FAM241A: variants seen among roughly 807,000 people sequenced by gnomAD.
FAM241A encodes the protein uncharacterized protein FAM241A.
In FAM241A, 7 loss-of-function variants were observed where a neutral mutation model predicts 12.2. That is an observed-to-expected ratio of 0.58 (90% CI 0.33 to 1.08). FAM241A has a LOEUF of 1.08. FAM241A is among the 50% of genes least tolerant of loss of function. The pLI, the probability that FAM241A is intolerant of heterozygous loss-of-function variation, is 0.04. For missense variants in FAM241A, 161 were observed against 169.7 expected (o/e 0.95, Z 0.29); for synonymous variants, 74 against 68.2 (o/e 1.08, Z -0.42).
intron 1 of FAM241A, among the ~76,000 whole-genome samples, chr4:112,179,146 C>T (rs566516825): frequency 2.0e-5 from 3 of 152,258 alleles, no homozygotes; most frequent in Middle Eastern, 3.4e-3. Flanking sequence ...TCCCCTTTGT[C>T]GATTTTGGCT....
Position 112,186,742 on chromosome 4 carries a change from A to T in FAM241A, c.203A>T (p.Tyr68Phe). The T allele has an allele frequency of 1.2e-6, 2 of 1,613,750 alleles. No homozygotes were observed. Among genetic ancestry groups the T allele is most frequent in the Non-Finnish European group, 1.7e-6 (2 of 1,179,904 alleles). ...NHTGEPVGDD[Y>F]KKMGTLFGEL... ...ACTGGTGAGCCGGTTGGAGATGACT[A>T]CAAGAAAATGGGAACACTTTTTGGT... Residue 68 changes from tyrosine to phenylalanine, a missense_variant, in exon 2 of 2, where the codon TAC becomes TTC. By Grantham distance (22) the Tyr-to-Phe change is conservative. Coordinates refer to ENST00000309733, the MANE Select transcript of FAM241A (RefSeq NM_152400.3).
chr4:112,159,360 A>G (rs906779217), intron 1 of FAM241A, among the ~76,000 whole-genome samples: 1 of 152,226 alleles, frequency 6.6e-6, no homozygotes, highest in Non-Finnish European at 1.5e-5. Context: ...GCAAACGCAA[A>G]TTCTTTGTGG....
rs1724210601 is a variant in FAM241A at position 112,193,638 on chromosome 4, G to C, written c.*6700G>C. On this transcript the variant is annotated 3_prime_UTR_variant, in exon 2 of 2. Transcript: ENST00000309733. ...CCCATTGCTTGTTTTTCTCAGGTTTGTCAAAGATCAGATAGCTGTAGACAT... is the reference window on the plus strand; with the variant it reads ...CCCATTGCTTGTTTTTCTCAGGTTTCTCAAAGATCAGATAGCTGTAGACAT... The C allele has an allele frequency of 1.3e-5, 2 of 152,210 alleles. No individual in the cohort carries two copies. The highest frequency in any genetic ancestry group is 4.8e-5 in the African/African-American group (2 of 41,432). 9.4% of individuals were successfully genotyped at this position (152,210 alleles called of 1,614,324 possible).
chr4:112,165,218 A>C (rs1723569824), intron 1 of FAM241A, among the ~76,000 whole-genome samples: 1 of 152,232 alleles, frequency 6.6e-6, no homozygotes, highest in Non-Finnish European at 1.5e-5. Context: ...ATCTCACACC[A>C]GTTGAAATGT....
chr4:112,178,470 C>T (rs1259020910), intron 1 of FAM241A, among the ~76,000 whole-genome samples: 1 of 152,108 alleles, frequency 6.6e-6, no homozygotes, highest in Non-Finnish European at 1.5e-5. Flanking sequence ...GGAGTCCTTT[C>T]CCCATTGCTT....
intron 1 of FAM241A, among the ~76,000 whole-genome samples, chr4:112,153,620 C>A (rs1269381066): frequency 6.6e-6 from 1 of 152,164 alleles, no homozygotes; most frequent in Non-Finnish European, 1.5e-5. Flanking sequence ...AAGATACTTT[C>A]TATCTTCTGA....
chr4:112,168,392 T>C (rs1422895581), intron 1 of FAM241A, among the ~76,000 whole-genome samples: 1 of 152,220 alleles, frequency 6.6e-6, no homozygotes, highest in Non-Finnish European at 1.5e-5. Context: ...GCAGTGGTTA[T>C]TTCAGAACTC....
chr4:112,148,364 A>T (rs181796728), intron 1 of FAM241A, among the ~76,000 whole-genome samples: 1 of 152,116 alleles, frequency 6.6e-6, no homozygotes, highest in Non-Finnish European at 1.5e-5. Flanking sequence ...TGAAATATAT[A>T]AAACACCTAG....
intron 1 of FAM241A, 72 bp downstream of exon 1, chr4:112,145,805 A>G: frequency 1.0e-6 from 1 of 982,168 alleles, no homozygotes. Context: ...GTTGGAGGGA[A>G]GGGGCCCGGC....
intron 1 of FAM241A, among the ~76,000 whole-genome samples, chr4:112,166,962 A>T (rs2110427687): frequency 9.0e-6 from 1 of 110,670 alleles, no homozygotes; most frequent in African/African-American, 3.9e-5. Context: ...AAAATACAAA[A>T]AATTAGCCGG....
At chr4:112,147,775 C>G (rs1178185832) in intron 1 of FAM241A, among the ~76,000 whole-genome samples, 1 of 152,062 alleles carries the variant, frequency 6.6e-6, no homozygotes, top group African/African-American at 2.4e-5. Context: ...AGATTGGTTT[C>G]TAAGTTAATG....
intron 1 of FAM241A, among the ~76,000 whole-genome samples, chr4:112,159,078 T>C (rs906811994): frequency 6.6e-6 from 1 of 152,166 alleles, no homozygotes; most frequent in African/African-American, 2.4e-5. Context: ...TATTTGTCTT[T>C]CTGTGCCTGG....
chr4:112,161,548 T>C (rs1239595248), intron 1 of FAM241A, among the ~76,000 whole-genome samples: 1 of 152,006 alleles, frequency 6.6e-6, no homozygotes, highest in Non-Finnish European at 1.5e-5. Flanking sequence ...GCAAGTAAAC[T>C]AGAAAATCTA....
At chr4:112,175,845 G>A (rs1375012665) in intron 1 of FAM241A, among the ~76,000 whole-genome samples, 1 of 152,076 alleles carries the variant, frequency 6.6e-6, no homozygotes, top group African/African-American at 2.4e-5. Flanking sequence ...CAACCAACAC[G>A]TGGACTAAAA....
rs1309300069 is a variant in FAM241A, at chr4:112,190,863, C to G, written c.*3925C>G. The stretch of plus-strand genomic sequence containing the variant: ...TTTTTGGTATGCGTTGGAGTTCAGT[C>G]CAACAGCCTGCTCTCACATCACTCC... On this transcript the variant is annotated 3_prime_UTR_variant, in exon 2 of 2. Coordinates refer to ENST00000309733, the MANE Select transcript of FAM241A (RefSeq NM_152400.3). 6.6e-6 allele frequency: 1 copy of G among 151,858 alleles called. No homozygotes were observed. The highest frequency in any genetic ancestry group is 2.4e-5 in the African/African-American group (1 of 41,312). 9.4% of individuals were successfully genotyped at this position (151,858 alleles called of 1,614,324 possible). A position where few individuals can be genotyped will look rare whatever the true frequency, so the allele number is the denominator to read the frequency against.
intron 1 of FAM241A, among the ~76,000 whole-genome samples, chr4:112,175,635 G>A (rs1475190860): frequency 6.6e-6 from 1 of 152,170 alleles, no homozygotes; most frequent in Admixed American, 6.5e-5. Context: ...AGGTGTGGTG[G>A]CAGGTGCCTG....
Position 112,186,703 on chromosome 4 carries a change from ACT to A in FAM241A, c.166_167del (p.Ser56ThrfsTer6), listed in dbSNP as rs1560586950. The A allele has an allele frequency of 6.2e-7, 1 of 1,605,830 alleles. No individual in the cohort carries two copies. The highest frequency in any genetic ancestry group is 8.5e-7 in the Non-Finnish European group (1 of 1,176,884). On this transcript the variant is annotated frameshift_variant, in exon 2 of 2. Transcript: ENST00000309733. LOFTEE classifies it high-confidence loss of function. Reference sequence around the variant, plus strand: ...TTTTTTTTTTTAAAGGATGTTGAAGACTCACAGAACCACACTGGTGAGCCGGT... The same window carrying A: ...TTTTTTTTTTTAAAGGATGTTGAAGACACAGAACCACACTGGTGAGCCGGT...
In FAM241A at chr4:112,171,509, G is replaced by C; in HGVS notation, c.154-15184G>C. 3.9e-6 allele frequency: 3 copies of C among 769,530 alleles called. No homozygotes were observed. In the Admixed American group the frequency reaches 5.1e-5, roughly 13 times the overall value. 47.7% of individuals were successfully genotyped at this position (769,530 alleles called of 1,614,324 possible). On this transcript the variant is annotated intron_variant, in intron 1 of 1. Coordinates refer to ENST00000309733, the MANE Select transcript of FAM241A (RefSeq NM_152400.3). Reference sequence around the variant, plus strand: ...AACTGGGAGGAGATAAGGAAAGAAAGGCCCAAGTGATTCAGTTCTAAGTGT... The same window carrying C: ...AACTGGGAGGAGATAAGGAAAGAAACGCCCAAGTGATTCAGTTCTAAGTGT...
intron 1 of FAM241A, among the ~76,000 whole-genome samples, chr4:112,150,039 A>G (rs1723216447): frequency 6.6e-6 from 1 of 152,038 alleles, no homozygotes; most frequent in Non-Finnish European, 1.5e-5. Flanking sequence ...AATTTTTTCT[A>G]ATCTTACAAT....
Sources: allele counts gnomAD v4.1 joint callset (sites outside exome capture counted in the v4.1 genomes callset), GRCh38; gene constraint gnomAD v4.1.1; transcripts MANE v1.5; gene names NCBI Gene and HGNC (gene_info 2026-07-23, HGNC 2026-07-21).